Variants in PIEZO2 observed in about 807,000 individuals in gnomAD.
PIEZO2 encodes piezo-type mechanosensitive ion channel component 2.
PIEZO2 carries 172 observed loss-of-function variants against 337.3 expected under a neutral mutation model. The ratio of observed to expected loss-of-function variants is 0.51; its 90% CI spans 0.45 to 0.58. PIEZO2 has a LOEUF of 0.58. Among genes scored for constraint, PIEZO2 ranks in the 20% least tolerant of loss-of-function variants. The probability of loss-of-function intolerance (pLI) is 0.00; values close to 1 mark genes in which losing one functional copy is unlikely to be tolerated. For synonymous variants in PIEZO2, 1,251 were observed against 1,228.5 expected, an observed-to-expected ratio of 1.02 and a Z score of -0.38; for missense variants, 3,028 against 3,391.3, an observed-to-expected ratio of 0.89 and a Z score of 2.66.
chr18:10,763,031 C>G lies in PIEZO2; in HGVS notation c.3014G>C (p.Arg1005Pro). 1 of 1,537,300 alleles carries G rather than the reference C, an allele frequency of 6.5e-7. No homozygotes were observed. ...GACTGTGCAGACACTTGAAGCCAGA[C>G]GGCGCAGCTTGGCGTACGGCAGAGC... ...AFALPYAKLR[R>P]LASSVCTVWT... The change falls in exon 22 of 56, where the codon CGT becomes CCT. Residue 1005 changes from arginine to proline, a missense_variant. By Grantham distance (103) the Arg-to-Pro change is moderately radical. Around this residue, in one of 5 missense-constraint regions of PIEZO2, gnomAD observed 1,925 missense variants for 2,051.9 expected, o/e 0.94. Coordinates refer to ENST00000674853, the MANE Select transcript of PIEZO2 (RefSeq NM_001378183.1).
Position 11,113,990 on chromosome 18 carries a change from GACA to G in PIEZO2, c.64+34532_64+34534del, listed in dbSNP as rs1477065134. Among the ~76,000 whole-genome samples the G allele has an allele frequency of 2.6e-5, 4 of 152,334 alleles. No homozygotes were observed. In the East Asian group the frequency reaches 7.7e-4, roughly 29 times the overall value. On this transcript the variant is annotated intron_variant, in intron 1 of 55. Transcript: ENST00000674853. ...ATAGCTACGGCAAAGCCAAGTCTAT[GACA>G]ACGTTGTTGATGAACAGTGGAGTTC...
intron 3 of PIEZO2, among the ~76,000 whole-genome samples, chr18:10,912,275 C>A (rs1295475657): frequency 6.6e-6 from 1 of 152,104 alleles, no homozygotes; most frequent in African/African-American, 2.4e-5. Context: ...TTAGGAAAAA[C>A]CTTTTTAATA....
At chr18:10,688,730 T>C (rs1418181539) in intron 49 of PIEZO2, among the ~76,000 whole-genome samples, 1 of 152,186 alleles carries the variant, frequency 6.6e-6, no homozygotes, top group Non-Finnish European at 1.5e-5. Flanking sequence ...TTTTCTACTT[T>C]AGACCAAACA....
At chr18:10,839,873 G>A (rs1177952422) in intron 7 of PIEZO2, among the ~76,000 whole-genome samples, 1 of 152,178 alleles carries the variant, frequency 6.6e-6, no homozygotes, top group South Asian at 2.1e-4. Flanking sequence ...TGTAAGAGAA[G>A]TTGTATGTAA....
At chr18:10,909,666 G>A (rs1300830281) in intron 4 of PIEZO2, among the ~76,000 whole-genome samples, 1 of 152,178 alleles carries the variant, frequency 6.6e-6, no homozygotes, top group Non-Finnish European at 1.5e-5. Flanking sequence ...ACTTATTGGA[G>A]CTGGGGAGTG....
intron 28 of PIEZO2, 114 bp downstream of exon 28, chr18:10,752,522 A>G: frequency 1.6e-6 from 2 of 1,255,360 alleles, no homozygotes; most frequent in Non-Finnish European, 2.2e-6. Flanking sequence ...GCAGCATCTT[A>G]TTGGGGCTTT....
intron 3 of PIEZO2, among the ~76,000 whole-genome samples, chr18:10,972,617 A>G (rs2034286229): frequency 6.6e-6 from 1 of 152,236 alleles, no homozygotes; most frequent in Non-Finnish European, 1.5e-5. Flanking sequence ...CATGGAGTAG[A>G]GTAGGTACAA....
intron 7 of PIEZO2, among the ~76,000 whole-genome samples, chr18:10,836,332 T>C (rs1282735065): frequency 6.6e-6 from 1 of 152,208 alleles, no homozygotes; most frequent in Non-Finnish European, 1.5e-5. Flanking sequence ...TGTGGATCTA[T>C]TTCAAATCAT....
chr18:11,060,116 C>T (rs2037887148), intron 2 of PIEZO2, among the ~76,000 whole-genome samples: 2 of 152,164 alleles, frequency 1.3e-5, no homozygotes, highest in South Asian at 4.1e-4. Flanking sequence ...TTCAAAACCA[C>T]TCAACTACCT....
At chr18:10,835,865 G>A (rs76698625) in intron 7 of PIEZO2, among the ~76,000 whole-genome samples, 6,224 of 152,272 alleles carry the variant, frequency 0.041, 330 homozygotes, top group African/African-American at 0.12. Context: ...CGAGTAATTT[G>A]TACTAAAGTC....
chr18:10,703,415 T>C (rs540997789), intron 42 of PIEZO2, among the ~76,000 whole-genome samples: 5 of 152,368 alleles, frequency 3.3e-5, no homozygotes, highest in Admixed American at 2.0e-4. Flanking sequence ...GGAAATAAGA[T>C]GCATGCTATC....
intron 2 of PIEZO2, among the ~76,000 whole-genome samples, chr18:11,054,186 TC>T (rs1004330434): frequency 3.6e-4 from 55 of 152,196 alleles, no homozygotes; most frequent in African/African-American, 1.3e-3. Flanking sequence ...TTCATCTCCT[TC>T]CCTACAGTAT....
At chr18:10,955,402 A>T (rs768654570) in intron 3 of PIEZO2, among the ~76,000 whole-genome samples, 8 of 152,166 alleles carry the variant, frequency 5.3e-5, no homozygotes, top group Non-Finnish European at 8.8e-5. Flanking sequence ...TTTCTTGGTT[A>T]CCTGTTATCT....
At chr18:10,779,944 G>T (rs968813848) in intron 18 of PIEZO2, among the ~76,000 whole-genome samples, 1 of 152,192 alleles carries the variant, frequency 6.6e-6, no homozygotes, top group African/African-American at 2.4e-5. Flanking sequence ...CTCTTAGCAG[G>T]AATGTTGGCA....
intron 23 of PIEZO2, among the ~76,000 whole-genome samples, chr18:10,762,037 A>G (rs766410161): frequency 1.3e-5 from 2 of 152,260 alleles, no homozygotes; most frequent in Non-Finnish European, 2.9e-5. Context: ...CAGAATTTAC[A>G]CAGCGAAAAT....
At chr18:10,816,478 T>G (rs1440298156) in intron 7 of PIEZO2, among the ~76,000 whole-genome samples, 1 of 152,218 alleles carries the variant, frequency 6.6e-6, no homozygotes, top group Non-Finnish European at 1.5e-5. Flanking sequence ...CAATCAGGAA[T>G]GTTTGACTGA....
chr18:11,008,572 C>T (rs914183263), intron 2 of PIEZO2, among the ~76,000 whole-genome samples: 7 of 152,180 alleles, frequency 4.6e-5, no homozygotes, highest in African/African-American at 1.4e-4. Context: ...AAACATGACT[C>T]GGCTTCTGAC....
In PIEZO2 at chr18:10,746,486, G is replaced by C. The variant is rs2037427950; in HGVS notation, c.4424+1985C>G. On this transcript the variant is annotated intron_variant, in intron 30 of 55. Coordinates refer to ENST00000674853, the MANE Select transcript of PIEZO2 (RefSeq NM_001378183.1). The surrounding 1 kb of genome is among the most constrained non-coding windows in gnomAD (Gnocchi z 4.2). Reference sequence around the variant, plus strand: ...TGCACTGGGAATGGAAGGCCACCTGGTTCACGCCCCTGCAGCTGGTTATAT... The same window carrying C: ...TGCACTGGGAATGGAAGGCCACCTGCTTCACGCCCCTGCAGCTGGTTATAT... Among the ~76,000 whole-genome samples, 1 of 152,156 alleles carries C rather than the reference G, an allele frequency of 6.6e-6. No homozygotes were observed. Among genetic ancestry groups the C allele is most frequent in the African/African-American group, 2.4e-5 (1 of 41,436 alleles).
At chr18:10,787,797 G>T (rs1250654671) in intron 15 of PIEZO2, among the ~76,000 whole-genome samples, 1 of 152,088 alleles carries the variant, frequency 6.6e-6, no homozygotes, top group African/African-American at 2.4e-5. Context: ...CTACCTGCAA[G>T]ATATTTTACT....
Sources: gnomAD v4.1 joint callset for allele counts (sites outside exome capture counted in the v4.1 genomes callset) on GRCh38, gnomAD v4.1.1 for gene constraint, gnomAD v4.1.1 regional missense constraint, Gnocchi (gnomAD v3.1) non-coding constraint, MANE v1.5 for transcripts, NCBI Gene and HGNC (gene_info 2026-07-23, HGNC 2026-07-21) for gene names.